SLC22A16: variants seen among roughly 807,000 people sequenced by gnomAD.
The protein encoded by SLC22A16 is solute carrier family 22 member 16.
In SLC22A16, 53 loss-of-function variants were observed where a neutral mutation model predicts 52.9. The ratio of observed to expected loss-of-function variants is 1.00; its 90% CI spans 0.80 to 1.26. SLC22A16 has a LOEUF of 1.26. SLC22A16 is among the 50% of genes most tolerant of loss of function. The pLI is 0.00. For missense variants in SLC22A16, 726 were observed against 704.0 expected (o/e 1.03, Z -0.35); for synonymous variants, 291 against 268.8 (o/e 1.08, Z -0.81).
At chr6:110,453,727 A>G in intron 2 of SLC22A16, 1 of 456,068 alleles carries the variant, frequency 2.2e-6, no homozygotes. Context: ...TTATCTCATC[A>G]TATTAGTTAA....
intron 7 of SLC22A16, among the ~76,000 whole-genome samples, chr6:110,428,141 G>C (rs999998718): frequency 6.6e-6 from 1 of 152,120 alleles, no homozygotes; most frequent in Admixed American, 6.5e-5. Flanking sequence ...CTTTTCAAAA[G>C]AGAAAATATA....
At chr6:110,455,352 G>A (rs968263395) in intron 2 of SLC22A16, 11 of 152,092 alleles carry the variant, frequency 7.2e-5, no homozygotes, top group African/African-American at 2.4e-4. Flanking sequence ...CTTGCTGAAT[G>A]AAAACACTAA....
chr6:110,442,856 A>G (rs2114940044), intron 3 of SLC22A16, 81 bp from the exon 4 acceptor site: 1 of 1,288,406 alleles, frequency 7.8e-7, no homozygotes. Context: ...CAAATCACAT[A>G]TAGGCAAAAA....
At chr6:110,447,696 A>G (rs1379957811) in intron 2 of SLC22A16, among the ~76,000 whole-genome samples, 1 of 152,110 alleles carries the variant, frequency 6.6e-6, no homozygotes, top group African/African-American at 2.4e-5. Context: ...ACAACCACTC[A>G]TCTACCTTCT....
At chr6:110,449,962 C>T (rs539182732) in intron 2 of SLC22A16, among the ~76,000 whole-genome samples, 2 of 152,316 alleles carry the variant, frequency 1.3e-5, no homozygotes, top group South Asian at 2.1e-4. Flanking sequence ...TCCCACAATT[C>T]TCTGAACATG....
At chr6:110,471,102 T>TGG (rs1776246613) in intron 1 of SLC22A16, among the ~76,000 whole-genome samples, 2 of 152,088 alleles carry the variant, frequency 1.3e-5, no homozygotes, top group Non-Finnish European at 2.9e-5. Flanking sequence ...CAAAACGACG[T>TGG]TTCGGTCAAT....
Position 110,442,757 on chromosome 6 carries a change from C to G in SLC22A16, c.670G>C (p.Val224Leu). 3.7e-6 allele frequency: 6 copies of G among 1,612,554 alleles called. No homozygotes were observed. The highest frequency in any genetic ancestry group is 5.1e-6 in the Non-Finnish European group (6 of 1,179,424). Residue 224 changes from valine (V) to leucine (L), a missense_variant, in exon 4 of 8, where the codon GTG becomes CTG. Physicochemically the swap from Val to Leu is conservative, Grantham distance 32. Coordinates refer to ENST00000368919, the MANE Select transcript of SLC22A16 (RefSeq NM_033125.4). ...TCCATCACATAGACAAACCCCACCA[C>G]AAGATAGCCACTTGCAACCTGAAAA... is the stretch of plus-strand genomic sequence containing the variant. ...FLAMVASGYL[V>L]VGFVYVMEFI...
chr6:110,469,483 C>A (rs186310827), intron 1 of SLC22A16, among the ~76,000 whole-genome samples: 1 of 152,246 alleles, frequency 6.6e-6, no homozygotes, highest in Non-Finnish European at 1.5e-5. Context: ...TGGAAGCATA[C>A]GTTGCAGTGA....
chr6:110,450,487 C>T (rs573026897), intron 2 of SLC22A16, among the ~76,000 whole-genome samples: 28 of 152,048 alleles, frequency 1.8e-4, no homozygotes, highest in African/African-American at 5.8e-4. Context: ...CGGCACATGC[C>T]TGTAGTCCCA....
intron 1 of SLC22A16, 77 bp from the exon 2 acceptor site, chr6:110,457,094 C>A: frequency 1.4e-6 from 2 of 1,379,490 alleles, no homozygotes; most frequent in South Asian, 1.6e-5. Context: ...GAAGGGTCTC[C>A]ATCATGTTTA....
intron 1 of SLC22A16, among the ~76,000 whole-genome samples, chr6:110,458,221 C>A (rs575202472): frequency 2.6e-5 from 4 of 152,332 alleles, no homozygotes; most frequent in Non-Finnish European, 5.9e-5. Flanking sequence ...ACGTGACCCA[C>A]GTGACCTTAC....
intron 1 of SLC22A16, 41 bp from the exon 2 acceptor site, chr6:110,457,058 G>A: frequency 6.7e-7 from 1 of 1,499,238 alleles, no homozygotes; most frequent in Non-Finnish European, 8.9e-7. Context: ...CTGGTCTATA[G>A]GCTGAAAAAG....
intron 2 of SLC22A16, among the ~76,000 whole-genome samples, chr6:110,447,238 A>G (rs1775213136): frequency 6.6e-6 from 1 of 152,136 alleles, no homozygotes; most frequent in Admixed American, 6.5e-5. Context: ...TCATCCCCGC[A>G]GGACCCTTTA....
chr6:110,443,781 G>A (rs947836265), intron 3 of SLC22A16, among the ~76,000 whole-genome samples: 1 of 152,190 alleles, frequency 6.6e-6, no homozygotes, highest in Non-Finnish European at 1.5e-5. Flanking sequence ...AACCCCCCAA[G>A]GGTCCGTCCA....
At chr6:110,443,665 A>T (rs1775061152) in intron 3 of SLC22A16, among the ~76,000 whole-genome samples, 1 of 152,202 alleles carries the variant, frequency 6.6e-6, no homozygotes, top group Non-Finnish European at 1.5e-5. Context: ...TGATCCAGCA[A>T]TTCCACCTTT....
chr6:110,441,633 T>C (rs1401065022), intron 4 of SLC22A16, among the ~76,000 whole-genome samples: 1 of 152,188 alleles, frequency 6.6e-6, no homozygotes, highest in African/African-American at 2.4e-5. Flanking sequence ...GGAGAGTGTT[T>C]TGAGAGAGTT....
intron 7 of SLC22A16, among the ~76,000 whole-genome samples, chr6:110,425,956 T>C (rs1774242492): frequency 6.6e-6 from 1 of 151,948 alleles, no homozygotes. Flanking sequence ...AAGGTGTGGC[T>C]TTTCTGATAA....
intron 1 of SLC22A16, among the ~76,000 whole-genome samples, chr6:110,474,209 A>G (rs1972500): frequency 0.15 from 22,153 of 152,152 alleles, 4,254 homozygotes; most frequent in African/African-American, 0.44. Flanking sequence ...TGGAAAAAAT[A>G]TCTTCCACGA....
At chr6:110,435,228 A>C (rs1366780432) in intron 6 of SLC22A16, among the ~76,000 whole-genome samples, 1 of 152,140 alleles carries the variant, frequency 6.6e-6, no homozygotes, top group Non-Finnish European at 1.5e-5. Flanking sequence ...ATTTGTAGAT[A>C]AGGTCTTTAA....
Sources: gnomAD v4.1 joint callset for allele counts (sites outside exome capture counted in the v4.1 genomes callset) on GRCh38, gnomAD v4.1.1 for gene constraint, MANE v1.5 for transcripts, NCBI Gene and HGNC (gene_info 2026-07-23, HGNC 2026-07-21) for gene names.